The following ADGRE5 variants were observed in gnomAD, a reference collection of about 807,000 sequenced individuals.
ADGRE5 encodes the protein adhesion G protein-coupled receptor E5.
ADGRE5 carries 72 observed loss-of-function variants against 100.3 expected under a neutral mutation model. The observed-to-expected ratio is 0.72, with a 90% CI of 0.59 to 0.87. The LOEUF (loss-of-function observed/expected upper bound fraction) is 0.87, where lower values mean the gene tolerates loss of function less well. Among genes scored for constraint, ADGRE5 ranks in the 40% least tolerant of loss-of-function variants. The probability of loss-of-function intolerance (pLI) is 0.00; values close to 1 mark genes in which losing one functional copy is unlikely to be tolerated. For missense variants in ADGRE5, 959 were observed against 1,094.7 expected (o/e 0.88, Z 1.75); for synonymous variants, 439 against 447.8 (o/e 0.98, Z 0.25).
At chr19:14,398,038 C>T (rs770722528) in intron 8 of ADGRE5, 24 bp from the exon 9 acceptor site, 2 of 1,611,106 alleles carry the variant, frequency 1.2e-6, no homozygotes, top group Middle Eastern at 1.7e-4. Flanking sequence ...GGCTCTCTGA[C>T]CCCCACATCT....
chr19:14,390,100 A>AAG lies in ADGRE5; in HGVS notation c.191-815_191-814dup, dbSNP rs564758482. Among the ~76,000 whole-genome samples the AAG allele has an allele frequency of 5.5e-4, 76 of 137,758 alleles. 1 individual carries two copies. The highest frequency in any genetic ancestry group is 4.9e-3 in the South Asian group (18 of 3,694). The allele number at this position is 137,758 out of a possible 152,430, so 90.4% of individuals were successfully genotyped here. A position where few individuals can be genotyped will look rare whatever the true frequency, so the allele number is the denominator to read the frequency against. ...TCAAAAAAAAAGAGAAGAAAAGAAC[A>AAG]AGAGAGAGAGGGAGGGAGGGAGGGA... On this transcript the variant is annotated intron_variant, in intron 3 of 19. Transcript: ENST00000242786.
chr19:14,392,998 A>C (rs1406690637), intron 4 of ADGRE5, among the ~76,000 whole-genome samples: 1 of 151,986 alleles, frequency 6.6e-6, no homozygotes, highest in Non-Finnish European at 1.5e-5. Context: ...TCAGGAGATC[A>C]AGACCATCCT....
intron 3 of ADGRE5, among the ~76,000 whole-genome samples, chr19:14,390,378 C>T (rs1975558085): frequency 6.7e-6 from 1 of 148,992 alleles, no homozygotes; most frequent in Admixed American, 6.7e-5. Context: ...GGCTGGAGTG[C>T]AGTGACCCGA....
intron 9 of ADGRE5, among the ~76,000 whole-genome samples, chr19:14,398,653 C>T (rs1405492810): frequency 5.4e-5 from 7 of 129,556 alleles, no homozygotes; most frequent in East Asian, 2.3e-4. Flanking sequence ...GCAGCCTGGG[C>T]GACAGAGCCA....
intron 3 of ADGRE5, among the ~76,000 whole-genome samples, chr19:14,389,143 C>CAGGGAG (rs1975468032): frequency 1.6e-5 from 1 of 61,922 alleles, no homozygotes; most frequent in East Asian, 7.5e-4. Flanking sequence ...GATCGTGTCT[C>CAGGGAG]AGGGAGAGGG....
At position 14,406,050 on chromosome 19, in the gene ADGRE5, G is replaced by A; in HGVS notation, c.1821+111G>A. The A allele has an allele frequency of 1.0e-6, 1 of 958,574 alleles. No individual in the cohort carries two copies. Among genetic ancestry groups the A allele is most frequent in the East Asian group, 2.7e-5 (1 of 37,686 alleles). The allele number at this position is 958,574 out of a possible 1,614,324, so 59.4% of individuals were successfully genotyped here. ...GGGTAGGCGGGCCCTGGAGGCATGA[G>A]GCCCCGCCCCTGTCCGGGATCTGGC... On this transcript the variant is annotated intron_variant, in intron 14 of 19. Coordinates refer to ENST00000242786, the MANE Select transcript of ADGRE5 (RefSeq NM_078481.4). The surrounding 1 kb of genome is among the most constrained non-coding windows in gnomAD (Gnocchi z 6.0).
At chr19:14,398,842 G>GT (rs59412226) in intron 9 of ADGRE5, among the ~76,000 whole-genome samples, 1,895 of 142,932 alleles carry the variant, frequency 0.013, 19 homozygotes, top group African/African-American at 0.026. Context: ...GTTTGTTTGC[G>GT]TTTTTTTTTT....
Position 14,402,792 on chromosome 19 carries a change from C to A in ADGRE5, c.1379C>A (p.Ser460Tyr), listed in dbSNP as rs932482748. ...CACAACAACACCAAGGAACTCAACT[C>A]CCCCATCCTTTTCGCCTTCTCCCAC... Reference protein sequence around the residue: ...LSHNNTKELNSPILFAFSHLE... With the variant: ...LSHNNTKELNYPILFAFSHLE... Residue 460 changes from serine (S) to tyrosine (Y), a missense_variant, in exon 12 of 20, where the codon TCC becomes TAC. Physicochemically the swap from Ser to Tyr is moderately radical, Grantham distance 144. Transcript: ENST00000242786. 6.2e-7 allele frequency: 1 copy of A among 1,614,066 alleles called. No homozygotes were observed. Among genetic ancestry groups the A allele is most frequent in the Admixed American group, 1.7e-5 (1 of 59,998 alleles).
chr19:14,406,687 C>T lies in ADGRE5; in HGVS notation c.2049-13C>T, dbSNP rs1466938103. 1.2e-6 allele frequency: 2 copies of T among 1,613,830 alleles called. No individual in the cohort carries two copies. The highest frequency in any genetic ancestry group is 2.7e-5 in the African/African-American group (2 of 74,922). ...TCCTGGGGCACTGATGGGACCCCTC[C>T]CTTCCCTCCTAGCTGCTGGTTGGAC... is the stretch of plus-strand genomic sequence containing the variant. On this transcript the variant is annotated splice_polypyrimidine_tract_variant and intron_variant, in intron 15 of 19. Coordinates refer to ENST00000242786, the MANE Select transcript of ADGRE5 (RefSeq NM_078481.4). The surrounding 1 kb of genome is among the most constrained non-coding windows in gnomAD (Gnocchi z 6.0).
rs1288025044 is a variant in ADGRE5 at position 14,406,718 on chromosome 19, G to C, written c.2067G>C (p.Glu689Asp). The change falls in exon 16 of 20, where the codon GAG (glutamate) becomes GAC (aspartate). Residue 689 changes from glutamate to aspartate, a missense_variant. Around this residue, in one of 6 missense-constraint regions of ADGRE5, gnomAD observed 428 missense variants for 386.2 expected, o/e 1.11. Transcript: ENST00000242786. This position sits in a 1 kb window ranked among gnomAD's most constrained non-coding sequence, Gnocchi z 6.0. ...CTCCTAGCTGCTGGTTGGACTTTGA[G>C]CAGGGCTTCCTCTGGAGCTTCTTGG... Reference protein sequence around the residue: ...GRPRYCWLDFEQGFLWSFLGP... With the variant: ...GRPRYCWLDFDQGFLWSFLGP... 6.2e-7 allele frequency: 1 copy of C among 1,614,136 alleles called. No homozygotes were observed. Among genetic ancestry groups the C allele is most frequent in the Admixed American group, 1.7e-5 (1 of 60,026 alleles).
intron 12 of ADGRE5, 70 bp downstream of exon 12, chr19:14,402,932 G>T (rs1024058744): frequency 6.6e-7 from 1 of 1,509,848 alleles, no homozygotes. Context: ...CCTCTCTCTG[G>T]GATGCTCTTT....
In ADGRE5 at chr19:14,408,548, G is replaced by A; in HGVS notation, c.*427G>A. ...TCTTAAGCTAAGACTGATGTCAGAGGCCCCATGGCGAGGCCCCTTGGGGCC... is the reference window on the plus strand; with the variant it reads ...TCTTAAGCTAAGACTGATGTCAGAGACCCCATGGCGAGGCCCCTTGGGGCC... On this transcript the variant is annotated 3_prime_UTR_variant, in exon 20 of 20. Transcript: ENST00000242786. 2.3e-6 allele frequency: 1 copy of A among 428,322 alleles called. No individual in the cohort carries two copies. 26.5% of individuals were successfully genotyped at this position (428,322 alleles called of 1,614,324 possible).
chr19:14,385,247 G>T (rs540299152), intron 1 of ADGRE5, among the ~76,000 whole-genome samples: 32 of 151,486 alleles, frequency 2.1e-4, no homozygotes, highest in African/African-American at 7.5e-4. Flanking sequence ...CCTGGCCTCA[G>T]GTGATCCATC....
chr19:14,398,423 A>G lies in ADGRE5; in HGVS notation c.897+284A>G. 1.6e-5 allele frequency: 6 copies of G among 385,618 alleles called. No homozygotes were observed. In the South Asian group the frequency reaches 1.7e-4, roughly 11 times the overall value. 23.9% of individuals were successfully genotyped at this position (385,618 alleles called of 1,614,324 possible). ...GGTGGCTCACGCCTGTAATCCCAGC[A>G]CTTTGGAAGGCCGAGGTGGGCAGAT... On this transcript the variant is annotated intron_variant, in intron 9 of 19. Transcript: ENST00000242786.
intron 4 of ADGRE5, among the ~76,000 whole-genome samples, chr19:14,392,619 C>T (rs2146355906): frequency 6.6e-6 from 1 of 152,224 alleles, no homozygotes; most frequent in East Asian, 1.9e-4. Context: ...AAGTATTTAA[C>T]AGGCTGGGCA....
intron 4 of ADGRE5, among the ~76,000 whole-genome samples, chr19:14,395,659 C>T (rs1012100622): frequency 1.3e-5 from 2 of 152,226 alleles, no homozygotes; most frequent in Non-Finnish European, 2.9e-5. Context: ...TCCATAGATC[C>T]TTTCCTGGGG....
At chr19:14,381,655 G>A in intron 1 of ADGRE5, 110 bp downstream of exon 1, 1 of 1,305,066 alleles carries the variant, frequency 7.7e-7, no homozygotes, top group Non-Finnish European at 1.0e-6. Context: ...CTGCGATAGA[G>A]GAAGCCACAT....
chr19:14,386,693 C>CAAAAAAAAAAAAAA (rs1172800346), intron 1 of ADGRE5, among the ~76,000 whole-genome samples: 2 of 56,558 alleles, frequency 3.5e-5, no homozygotes, highest in African/African-American at 6.9e-5. Context: ...GACTCCGTCT[C>CAAAAAAAAAAAAAA]AAAAAAAAAA....
At chr19:14,383,378 G>T (rs1242779995) in intron 1 of ADGRE5, among the ~76,000 whole-genome samples, 1 of 151,706 alleles carries the variant, frequency 6.6e-6, no homozygotes, top group South Asian at 2.1e-4. Context: ...GGTGGCGGGC[G>T]CCTGTAATCC....
Sources: allele counts gnomAD v4.1 joint callset (sites outside exome capture counted in the v4.1 genomes callset), GRCh38; gene constraint gnomAD v4.1.1; regional missense constraint gnomAD v4.1.1; non-coding constraint Gnocchi (gnomAD v3.1); transcripts MANE v1.5; gene names NCBI Gene and HGNC (gene_info 2026-07-23, HGNC 2026-07-21).